PHACTR1: variants seen among roughly 807,000 people sequenced by gnomAD.
PHACTR1 encodes RPEL repeat containing 1.
Under a neutral mutation model 69.2 loss-of-function variants are expected in PHACTR1, and 16 were observed. That is an observed-to-expected ratio of 0.23 (90% CI 0.16 to 0.35). The LOEUF is 0.35. Among genes scored for constraint, PHACTR1 ranks in the 10% least tolerant of loss-of-function variants. PHACTR1 has a pLI of 1.00. For missense variants in PHACTR1, 510 were observed against 734.7 expected (o/e 0.69, Z 3.54); for synonymous variants, 312 against 284.5 (o/e 1.10, Z -0.97).
Position 13,245,667 on chromosome 6 carries a change from G to A in PHACTR1, c.1391+15474G>A, listed in dbSNP as rs1479191317. Among the ~76,000 whole-genome samples the A allele has an allele frequency of 2.0e-5, 3 of 151,956 alleles. No homozygotes were observed. The highest frequency in any genetic ancestry group is 4.4e-5 in the Non-Finnish European group (3 of 67,984). ...CAGAAGCTCTTTGGTTTAATTAGGT[G>A]CCATTTGTCAATTTTTTTTTTCGTT... On this transcript the variant is annotated intron_variant, in intron 10 of 14. Transcript: ENST00000332995. This position sits in a 1 kb window ranked among gnomAD's most constrained non-coding sequence, Gnocchi z 4.1.
At chr6:12,922,099 A>G (rs1294369169) in intron 4 of PHACTR1, among the ~76,000 whole-genome samples, 10 of 152,326 alleles carry the variant, frequency 6.6e-5, no homozygotes, top group South Asian at 6.2e-4. Flanking sequence ...AGCTACTTTT[A>G]TAAGGAATAC....
chr6:13,073,823 C>A (rs957635470), intron 5 of PHACTR1, among the ~76,000 whole-genome samples: 5 of 151,638 alleles, frequency 3.3e-5, no homozygotes, highest in African/African-American at 1.2e-4. Flanking sequence ...GGCAGTAGGT[C>A]ACTGTGAAAG....
At chr6:12,963,217 T>C (rs190083623) in intron 4 of PHACTR1, among the ~76,000 whole-genome samples, 5 of 152,300 alleles carry the variant, frequency 3.3e-5, no homozygotes, top group Admixed American at 1.3e-4. Flanking sequence ...TGAAAAGGCA[T>C]GGACGAAAAA....
intron 5 of PHACTR1, among the ~76,000 whole-genome samples, chr6:13,155,301 A>G (rs1459810917): frequency 1.3e-5 from 2 of 152,198 alleles, no homozygotes; most frequent in African/African-American, 4.8e-5. Flanking sequence ...TATAGTATAT[A>G]AGCCCTGGGT....
intron 4 of PHACTR1, among the ~76,000 whole-genome samples, chr6:12,888,871 A>G (rs144905154): frequency 6.6e-6 from 1 of 152,334 alleles, no homozygotes. Context: ...GAATAAGAAA[A>G]GTGATGGAAA....
intron 8 of PHACTR1, among the ~76,000 whole-genome samples, chr6:13,207,678 A>G (rs1283849365): frequency 6.6e-6 from 1 of 152,182 alleles, no homozygotes; most frequent in African/African-American, 2.4e-5. Flanking sequence ...TCTGAGGCAC[A>G]TTGCTTGACT....
intron 10 of PHACTR1, among the ~76,000 whole-genome samples, chr6:13,259,784 C>G (rs413167): frequency 0.074 from 11,285 of 152,262 alleles, 717 homozygotes; most frequent in Admixed American, 0.22. Context: ...ATCTTCCCCC[C>G]TCTGTGCTCT....
chr6:12,872,459 C>G (rs73726203), intron 4 of PHACTR1, among the ~76,000 whole-genome samples: 4 of 152,244 alleles, frequency 2.6e-5, no homozygotes, highest in African/African-American at 9.6e-5. Flanking sequence ...CACACACACA[C>G]ATACATGCAA....
intron 10 of PHACTR1, among the ~76,000 whole-genome samples, chr6:13,268,512 A>G (rs910616014): frequency 6.6e-6 from 1 of 152,256 alleles, no homozygotes; most frequent in Non-Finnish European, 1.5e-5. Context: ...TAAAGATTAA[A>G]TGAACTAACA....
intron 4 of PHACTR1, among the ~76,000 whole-genome samples, chr6:12,953,249 G>C (rs925619220): frequency 1.3e-5 from 2 of 152,294 alleles, no homozygotes; most frequent in Admixed American, 6.5e-5. Context: ...CTTGAACCTG[G>C]AAGGTGAAGA....
At chr6:12,853,052 C>A (rs757648396) in intron 4 of PHACTR1, among the ~76,000 whole-genome samples, 2 of 152,204 alleles carry the variant, frequency 1.3e-5, no homozygotes, top group Admixed American at 1.3e-4. Context: ...CTTATTGCAA[C>A]TTGAAGCATC....
At chr6:13,066,286 A>G (rs1462590202) in intron 5 of PHACTR1, among the ~76,000 whole-genome samples, 1 of 152,248 alleles carries the variant, frequency 6.6e-6, no homozygotes, top group Non-Finnish European at 1.5e-5. Context: ...GGCACAGAAT[A>G]GGTACCGGAT....
chr6:13,265,100 C>T (rs1776465249), intron 10 of PHACTR1: 1 of 152,164 alleles, frequency 6.6e-6, no homozygotes, highest in Admixed American at 6.6e-5. Context: ...CTTCTCTCAC[C>T]CGCTTCAAAG....
At chr6:12,845,436 C>A (rs868325429) in intron 4 of PHACTR1, among the ~76,000 whole-genome samples, 3 of 55,816 alleles carry the variant, frequency 5.4e-5, no homozygotes, top group Middle Eastern at 6.3e-3. Context: ...CCCACCCCCC[C>A]CCCCCCCGCC....
rs560502607 is a variant in PHACTR1, at chr6:12,788,289, G to A, written c.250+38499G>A. Among the ~76,000 whole-genome samples the A allele has an allele frequency of 1.1e-4, 16 of 152,150 alleles. No individual in the cohort carries two copies. In the South Asian group the frequency reaches 3.3e-3, roughly 32 times the overall value. ...ATATTTCCAATTTCTACCACTTAGC[G>A]AGATGAGGGCTTTGCTTTGCAGAAA... On this transcript the variant is annotated intron_variant, in intron 4 of 14. Coordinates refer to ENST00000332995, the MANE Select transcript of PHACTR1 (RefSeq NM_030948.6).
At chr6:12,868,373 G>A (rs868832798) in intron 4 of PHACTR1, among the ~76,000 whole-genome samples, 5 of 149,084 alleles carry the variant, frequency 3.4e-5, no homozygotes, top group South Asian at 2.1e-4. Context: ...TTTTCTTGTT[G>A]TTCATGATGA....
At chr6:13,186,049 A>G (rs947403198) in intron 7 of PHACTR1, among the ~76,000 whole-genome samples, 3 of 152,242 alleles carry the variant, frequency 2.0e-5, no homozygotes, top group African/African-American at 7.2e-5. Context: ...CATCTTAGAC[A>G]TGGGCTCATG....
At chr6:13,184,687 A>G in intron 7 of PHACTR1, 4 of 794,028 alleles carry the variant, frequency 5.0e-6, no homozygotes, top group Non-Finnish European at 7.7e-6. Context: ...GGCCTGAAGC[A>G]TCGGTGCTCC....
intron 6 of PHACTR1, among the ~76,000 whole-genome samples, chr6:13,170,850 C>T (rs571932867): frequency 4.6e-5 from 7 of 152,314 alleles, no homozygotes; most frequent in East Asian, 1.9e-4. Context: ...GATCCCTTCT[C>T]ACTGTTCCCA....
Sources: allele counts gnomAD v4.1 joint callset (sites outside exome capture counted in the v4.1 genomes callset), GRCh38; gene constraint gnomAD v4.1.1; non-coding constraint Gnocchi (gnomAD v3.1); transcripts MANE v1.5; gene names NCBI Gene and HGNC (gene_info 2026-07-23, HGNC 2026-07-21).